Variants in ASTN2 observed in about 807,000 individuals in gnomAD.
ASTN2 encodes astrotactin-2.
In ASTN2, 54 loss-of-function variants were observed where a neutral mutation model predicts 139.8. The observed-to-expected ratio is 0.39, with a 90% confidence interval of 0.31 to 0.48. The LOEUF (loss-of-function observed/expected upper bound fraction) is 0.48, where lower values mean the gene tolerates loss of function less well. Ranked by LOEUF, ASTN2 falls within the 20% of genes least tolerant of loss-of-function variation. ASTN2 has a pLI of 0.95. For synonymous variants in ASTN2, 756 were observed against 719.5 expected, an observed-to-expected ratio of 1.05 and a Z score of -0.81; for missense variants, 1,565 against 1,725.1, an observed-to-expected ratio of 0.91 and a Z score of 1.64.
chr9:116,705,852 A>G (rs1827976547), intron 16 of ASTN2, among the ~76,000 whole-genome samples: 1 of 152,218 alleles, frequency 6.6e-6, no homozygotes, highest in African/African-American at 2.4e-5. Flanking sequence ...TAAAGGGAAT[A>G]TCGTGAACAA....
At chr9:117,277,000 C>G (rs1834207437) in intron 2 of ASTN2, 1 of 152,240 alleles carries the variant, frequency 6.6e-6, no homozygotes, top group Non-Finnish European at 1.5e-5. Flanking sequence ...TGAGGGCGAT[C>G]TGGCTGCAAC....
chr9:117,192,752 A>G (rs1311403373), intron 3 of ASTN2, among the ~76,000 whole-genome samples: 1 of 152,204 alleles, frequency 6.6e-6, no homozygotes, highest in Non-Finnish European at 1.5e-5. Context: ...AAACAAAGAG[A>G]GTACTGAACT....
intron 5 of ASTN2, among the ~76,000 whole-genome samples, chr9:117,047,348 C>T (rs1838776704): frequency 6.6e-6 from 1 of 152,008 alleles, no homozygotes; most frequent in Non-Finnish European, 1.5e-5. Flanking sequence ...GTCCTTGTCT[C>T]TCCCCATTTC....
intron 3 of ASTN2, among the ~76,000 whole-genome samples, chr9:117,158,857 G>A (rs960453083): frequency 6.6e-6 from 1 of 151,882 alleles, no homozygotes; most frequent in African/African-American, 2.4e-5. Context: ...AAATCCTTGT[G>A]GTCTCACTGC....
At chr9:116,430,189 C>T (rs973255801) in intron 22 of ASTN2, among the ~76,000 whole-genome samples, 14 of 152,212 alleles carry the variant, frequency 9.2e-5, no homozygotes, top group East Asian at 7.7e-4. Context: ...ATTCTTCCAA[C>T]ATGCCCAAAT....
chr9:116,535,362 T>C (rs764543722), intron 19 of ASTN2, among the ~76,000 whole-genome samples: 3 of 152,190 alleles, frequency 2.0e-5, no homozygotes, highest in Non-Finnish European at 4.4e-5. Flanking sequence ...CCCATTTACA[T>C]TTAAGGTTAA....
At chr9:116,857,023 T>C (rs533544574) in intron 11 of ASTN2, among the ~76,000 whole-genome samples, 2 of 152,306 alleles carry the variant, frequency 1.3e-5, no homozygotes, top group South Asian at 4.1e-4. Context: ...ATTATTTTTC[T>C]CCACATATCC....
intron 2 of ASTN2, among the ~76,000 whole-genome samples, chr9:117,275,332 G>T (rs1174144045): frequency 6.6e-6 from 1 of 152,004 alleles, no homozygotes; most frequent in Non-Finnish European, 1.5e-5. Flanking sequence ...ACCAAAATCT[G>T]TATTAGTCTG....
At chr9:116,946,406 C>A (rs959490633) in intron 10 of ASTN2, among the ~76,000 whole-genome samples, 3 of 152,106 alleles carry the variant, frequency 2.0e-5, no homozygotes, top group Non-Finnish European at 2.9e-5. Flanking sequence ...CATGTTTATT[C>A]CCCCACCCCC....
At chr9:117,020,421 T>C (rs1235229045) in intron 6 of ASTN2, among the ~76,000 whole-genome samples, 3 of 151,932 alleles carry the variant, frequency 2.0e-5, no homozygotes, top group Admixed American at 6.6e-5. Context: ...TGGGCCAAGA[T>C]AGGTGGAAAT....
intron 19 of ASTN2, among the ~76,000 whole-genome samples, chr9:116,593,475 C>T (rs1854451558): frequency 6.6e-6 from 1 of 152,104 alleles, no homozygotes; most frequent in Non-Finnish European, 1.5e-5. Context: ...TTATCTTTAC[C>T]TTCATTTCAC....
At chr9:116,635,741 T>C (rs2131877777) in intron 17 of ASTN2, among the ~76,000 whole-genome samples, 1 of 152,320 alleles carries the variant, frequency 6.6e-6, no homozygotes, top group East Asian at 1.9e-4. Flanking sequence ...CAAGCTGAAG[T>C]TGAAGAAGCC....
At position 117,005,549 on chromosome 9, in the gene ASTN2, C is replaced by T. The variant is rs1339715977; in HGVS notation, c.1591+2543G>A. Among the ~76,000 whole-genome samples the T allele has an allele frequency of 3.3e-5, 5 of 152,280 alleles. No homozygotes were observed. In the East Asian group the frequency reaches 9.7e-4, roughly 29 times the overall value. On this transcript the variant is annotated intron_variant, in intron 7 of 22. Transcript: ENST00000313400. The stretch of plus-strand genomic sequence containing the variant: ...GGAAATGACACAGCAAAGGTGGCTG[C>T]CTGGACAACAGAAGCAGACCACCAC...
intron 16 of ASTN2, among the ~76,000 whole-genome samples, chr9:116,677,250 A>G (rs1859563283): frequency 6.6e-6 from 1 of 152,106 alleles, no homozygotes; most frequent in African/African-American, 2.4e-5. Flanking sequence ...AGGCACTAAG[A>G]TAACTTCTCA....
At chr9:116,595,819 A>G (rs1037295956) in intron 19 of ASTN2, among the ~76,000 whole-genome samples, 1 of 152,224 alleles carries the variant, frequency 6.6e-6, no homozygotes, top group Non-Finnish European at 1.5e-5. Flanking sequence ...GAGAACTCTT[A>G]TCACTGTTGG....
At position 116,559,949 on chromosome 9, in the gene ASTN2, G is replaced by A. The variant is rs574975282; in HGVS notation, c.3355+58375C>T. ...CTAAAAGGCACTTACTATTATTGCC[G>A]CTTTTTATTGATAAAGAAACAACTG... On this transcript the variant is annotated intron_variant, in intron 19 of 22. Coordinates refer to ENST00000313400, the MANE Select transcript of ASTN2 (RefSeq NM_001365068.1). Among the ~76,000 whole-genome samples, 139 of 152,094 alleles carry A rather than the reference G, an allele frequency of 9.1e-4. 2 individuals are homozygous for A. Among genetic ancestry groups the A allele is most frequent in the African/African-American group, 3.3e-3 (136 of 41,462 alleles).
chr9:117,284,688 A>C (rs1387598406), intron 2 of ASTN2, among the ~76,000 whole-genome samples: 1 of 152,230 alleles, frequency 6.6e-6, no homozygotes. Flanking sequence ...AAGCTAATGC[A>C]CTTATAAGTA....
chr9:117,159,138 G>C (rs1413416), intron 3 of ASTN2, among the ~76,000 whole-genome samples: 26,565 of 151,882 alleles, frequency 0.17, 2,430 homozygotes, highest in African/African-American at 0.2. Flanking sequence ...TTATTATATA[G>C]AATGAATAAG....
intron 19 of ASTN2, among the ~76,000 whole-genome samples, chr9:116,534,243 C>A (rs1274591983): frequency 6.6e-6 from 1 of 151,890 alleles, no homozygotes; most frequent in Non-Finnish European, 1.5e-5. Flanking sequence ...CTATTAGATT[C>A]TTCTCTCTTT....
Sources: allele counts gnomAD v4.1 joint callset (sites outside exome capture counted in the v4.1 genomes callset), GRCh38; gene constraint gnomAD v4.1.1; transcripts MANE v1.5; gene names NCBI Gene and HGNC (gene_info 2026-07-23, HGNC 2026-07-21).